The following LIMS2 variants were observed in gnomAD, a reference collection of about 807,000 sequenced individuals.
The protein encoded by LIMS2 is LIM zinc finger domain containing 2.
In LIMS2, 30 loss-of-function variants were observed where a neutral mutation model predicts 45.3. That is an observed-to-expected ratio of 0.66 (90% CI 0.50 to 0.90). The LOEUF is 0.90. LIMS2 is among the 40% of genes least tolerant of loss of function. The pLI, the probability that LIMS2 is intolerant of heterozygous loss-of-function variation, is 0.00. For missense variants in LIMS2, 485 were observed against 468.7 expected, an observed-to-expected ratio of 1.03 and a Z score of -0.32; for synonymous variants, 173 against 188.0, an observed-to-expected ratio of 0.92 and a Z score of 0.65.
chr2:127,673,754 G>A (rs1378106839), intron 1 of LIMS2: 3 of 1,551,092 alleles, frequency 1.9e-6, no homozygotes, highest in Non-Finnish European at 2.6e-6. Flanking sequence ...CTAGAAAACA[G>A]GAGAGTGAGA....
At chr2:127,666,213 C>T (rs1409005343) in intron 1 of LIMS2, among the ~76,000 whole-genome samples, 1 of 152,108 alleles carries the variant, frequency 6.6e-6, no homozygotes, top group Admixed American at 6.5e-5. Flanking sequence ...AGAGTGATGT[C>T]AGCAGAAAGT....
In LIMS2 at chr2:127,639,148, G is replaced by GAGAA; in HGVS notation, c.*129_*132dup. ...AGGCAGAGATGAGGGAACAGGAAGGGAGAAGGCAATGAGGAAAGAGAAAGG... is the reference window on the plus strand; with the variant it reads ...AGGCAGAGATGAGGGAACAGGAAGGGAGAAAGAAGGCAATGAGGAAAGAGAAAGG... On this transcript the variant is annotated 3_prime_UTR_variant, in exon 10 of 10. Transcript: ENST00000355119. 1 of 929,162 alleles carries GAGAA rather than the reference G, an allele frequency of 1.1e-6. No individual in the cohort carries two copies. Among genetic ancestry groups the GAGAA allele is most frequent in the Non-Finnish European group, 1.6e-6 (1 of 619,182 alleles). 57.6% of individuals were successfully genotyped at this position (929,162 alleles called of 1,614,324 possible).
rs140414617 is a variant in LIMS2 at position 127,667,676 on chromosome 2, A to G, written c.11+7338T>C. Among the ~76,000 whole-genome samples, 3 of 152,364 alleles carry G rather than the reference A, an allele frequency of 2.0e-5. No homozygotes were observed. The highest frequency in any genetic ancestry group is 4.4e-5 in the Non-Finnish European group (3 of 68,032). On this transcript the variant is annotated intron_variant, in intron 1 of 9. Coordinates refer to ENST00000355119, the MANE Select transcript of LIMS2 (RefSeq NM_001161403.3). The surrounding 1 kb of genome is among the most constrained non-coding windows in gnomAD (Gnocchi z 4.1). ...AATAAAAGCACCCAACAAACTGGGA[A>G]TAGAAGGGAACTTCTTCAATTTGAT...
chr2:127,642,127 G>A lies in LIMS2; in HGVS notation c.582C>T (p.Gly194=), dbSNP rs766876564. The A allele has an allele frequency of 5.5e-5, 89 of 1,606,590 alleles. No individual in the cohort carries two copies. Among genetic ancestry groups the A allele is most frequent in the Non-Finnish European group, 5.1e-5 (60 of 1,176,474 alleles). The change falls in exon 6 of 10, where the codon GGC becomes GGT. Residue 194 remains glycine, a synonymous_variant. Coordinates refer to ENST00000355119, the MANE Select transcript of LIMS2 (RefSeq NM_001161403.3). The surrounding 1 kb of genome is among the most constrained non-coding windows in gnomAD (Gnocchi z 5.3). ...LYCLPCHDKM[G]VPICGACRRP... ...GGCGGCAGGCCCCGCAGATGGGGAC[G>A]CCCATCTTGTCATGGCAGGGCAGGC...
At chr2:127,663,341 C>A (rs1021071810) in intron 1 of LIMS2, among the ~76,000 whole-genome samples, 1 of 152,230 alleles carries the variant, frequency 6.6e-6, no homozygotes, top group Non-Finnish European at 1.5e-5. Flanking sequence ...ACCTGCCATG[C>A]CAGCACAAGC....
At chr2:127,652,474 A>G (rs1213522822) in intron 4 of LIMS2, 1 of 167,040 alleles carries the variant, frequency 6.0e-6, no homozygotes, top group Admixed American at 6.5e-5. Context: ...AGCTCAGGCC[A>G]GGGCTGGGCT....
intron 4 of LIMS2, among the ~76,000 whole-genome samples, chr2:127,645,529 C>T (rs1682871986): frequency 6.6e-6 from 1 of 152,216 alleles, no homozygotes; most frequent in Non-Finnish European, 1.5e-5. Context: ...GGGAGCTGCA[C>T]CGGCGAGCAC....
chr2:127,654,672 T>C (rs1684126874), intron 3 of LIMS2, 128 bp from the exon 4 acceptor site: 2 of 1,511,522 alleles, frequency 1.3e-6, no homozygotes, highest in South Asian at 1.2e-5. Context: ...CGTGGGATGG[T>C]GATGCCTGTA....
Position 127,642,938 on chromosome 2 carries a change from T to C in LIMS2, c.494A>G (p.Asn165Ser), listed in dbSNP as rs1432539290. ...RSDAYHPDHF[N>S]CTHCGKELTA... ...GCGCACCTACCCACAGTGGGTGCAG[T>C]TGAAGTGGTCAGGGTGGTAGGCGTC... Residue 165 changes from asparagine to serine, a missense_variant, in exon 5 of 10, where the codon AAC (asparagine) becomes AGC (serine). Physicochemically the swap from Asn to Ser is conservative, Grantham distance 46. Transcript: ENST00000355119. The surrounding 1 kb of genome is among the most constrained non-coding windows in gnomAD (Gnocchi z 5.3). The C allele has an allele frequency of 5.8e-6, 9 of 1,563,936 alleles. No individual in the cohort carries two copies. In the African/African-American group the frequency reaches 1.1e-4, roughly 19 times the overall value.
In LIMS2 at chr2:127,640,252, G is replaced by A. The variant is rs143090286; in HGVS notation, c.802+18C>T. 39 of 1,613,194 alleles carry A rather than the reference G, an allele frequency of 2.4e-5. No homozygotes were observed. The East Asian group carries it at 7.1e-4, about 29-fold the overall frequency. ...CCAGGAGAGCAGGTGGGGTGGGGGA[G>A]GGAACACAGGGCCTCACCATCGCCT... On this transcript the variant is annotated intron_variant, in intron 8 of 9. Coordinates refer to ENST00000355119, the MANE Select transcript of LIMS2 (RefSeq NM_001161403.3).
intron 4 of LIMS2, chr2:127,648,274 G>T: frequency 1.2e-6 from 1 of 869,290 alleles, no homozygotes; most frequent in Non-Finnish European, 1.4e-6. Flanking sequence ...GAAGCCGGGG[G>T]CAATCTTTTC....
intron 1 of LIMS2, among the ~76,000 whole-genome samples, chr2:127,661,920 C>T (rs1217138537): frequency 6.6e-6 from 1 of 152,148 alleles, no homozygotes; most frequent in Admixed American, 6.5e-5. Flanking sequence ...TCCCCCATTC[C>T]GGATTCTGTT....
chr2:127,642,686 CCTGAGTCTCAAGTGCCCCCCAAA>C lies in LIMS2; in HGVS notation c.509+214_509+236del. 1.8e-6 allele frequency: 1 copy of C among 550,004 alleles called. No individual in the cohort carries two copies. The highest frequency in any genetic ancestry group is 3.2e-6 in the Non-Finnish European group (1 of 309,240). 34.1% of individuals were successfully genotyped at this position (550,004 alleles called of 1,614,324 possible). On this transcript the variant is annotated intron_variant, in intron 5 of 9. Transcript: ENST00000355119. The surrounding 1 kb of genome is among the most constrained non-coding windows in gnomAD (Gnocchi z 5.3). The stretch of plus-strand genomic sequence containing the variant: ...GTCTAGGGGTCCAGCCCACCCGCCT[CCTGAGTCTCAAGTGCCCCCCAAA>C]CAGAGCCCTGGAGAGAGAAGCTTCC...
chr2:127,677,835 G>A (rs949930927), upstream of LIMS2, among the ~76,000 whole-genome samples: 3 of 152,268 alleles, frequency 2.0e-5, no homozygotes, highest in East Asian at 1.9e-4. This position sits in a 1 kb window ranked among gnomAD's most constrained non-coding sequence, Gnocchi z 5.0. Flanking sequence ...AAATCAGAAC[G>A]GTGGCTGCCT....
At chr2:127,679,108 G>A (rs188841463), upstream of LIMS2, among the ~76,000 whole-genome samples, 256 of 152,276 alleles carry the variant, frequency 1.7e-3, 2 homozygotes, top group African/African-American at 5.5e-3. This position sits in a 1 kb window ranked among gnomAD's most constrained non-coding sequence, Gnocchi z 5.3. Context: ...GCTGCGTGCA[G>A]AGGCCAGGGA....
intron 4 of LIMS2, chr2:127,651,289 A>C (rs1683751962): frequency 6.2e-7 from 1 of 1,607,850 alleles, no homozygotes; most frequent in African/African-American, 1.3e-5. Flanking sequence ...CTGCAGCTGT[A>C]CCGGGAGAAG....
chr2:127,657,654 T>A, intron 1 of LIMS2, 92 bp from the exon 2 acceptor site: 1 of 1,331,038 alleles, frequency 7.5e-7, no homozygotes, highest in Non-Finnish European at 1.0e-6. Context: ...ACACACCTCG[T>A]ATTAAAAAGT....
In LIMS2 at chr2:127,675,155, G is replaced by A; in HGVS notation, c.-131C>T. 1.6e-6 allele frequency: 1 copy of A among 617,282 alleles called. No homozygotes were observed. Among genetic ancestry groups the A allele is most frequent in the East Asian group, 9.8e-5 (1 of 10,182 alleles). 38.2% of individuals were successfully genotyped at this position (617,282 alleles called of 1,614,324 possible). On this transcript the variant is annotated 5_prime_UTR_variant, in exon 1 of 10. Coordinates refer to ENST00000355119, the MANE Select transcript of LIMS2 (RefSeq NM_001161403.3). ...GGGAGACGCCCAAAAAAGGCCAAGAGCCGCTCCGCCCGCGAGAGGGGTGGG... is the reference window on the plus strand; with the variant it reads ...GGGAGACGCCCAAAAAAGGCCAAGAACCGCTCCGCCCGCGAGAGGGGTGGG...
At chr2:127,652,189 G>A in intron 4 of LIMS2, 1 of 223,138 alleles carries the variant, frequency 4.5e-6, no homozygotes, top group South Asian at 9.7e-5. Context: ...GACGGGGAGG[G>A]AGTCTCAATA....
Sources: allele counts gnomAD v4.1 joint callset (sites outside exome capture counted in the v4.1 genomes callset), GRCh38; gene constraint gnomAD v4.1.1; non-coding constraint Gnocchi (gnomAD v3.1); transcripts MANE v1.5; gene names NCBI Gene and HGNC (gene_info 2026-07-23, HGNC 2026-07-21).